Variants in MKI67 observed in about 807,000 individuals in gnomAD.
MKI67 encodes the protein marker of proliferation Ki-67, also known as proliferation marker protein Ki-67.
MKI67 carries 152 observed loss-of-function variants against 233.5 expected under a neutral mutation model. The ratio of observed to expected loss-of-function variants is 0.65; its 90% CI spans 0.57 to 0.74. The LOEUF (loss-of-function observed/expected upper bound fraction) is 0.74, where lower values mean the gene tolerates loss of function less well. Among genes scored for constraint, MKI67 ranks in the 30% least tolerant of loss-of-function variants. The probability of loss-of-function intolerance (pLI) is 0.00; values close to 1 mark genes in which losing one functional copy is unlikely to be tolerated. For synonymous variants in MKI67, 1,465 were observed against 1,418.5 expected (o/e 1.03, Z -0.74); for missense variants, 3,940 against 3,885.2 (o/e 1.01, Z -0.37).
At chr10:128,111,552 C>A in intron 11 of MKI67, 93 bp downstream of exon 11, 5,099 of 697,904 alleles carry the variant, frequency 7.3e-3, no homozygotes, top group Middle Eastern at 0.013. Flanking sequence ...TAATCTCTTT[C>A]ACAGCAGATA....
chr10:128,117,638 A>G (rs1852835408), intron 5 of MKI67, among the ~76,000 whole-genome samples: 1 of 152,240 alleles, frequency 6.6e-6, no homozygotes, highest in Non-Finnish European at 1.5e-5. Flanking sequence ...TTCCTTAATC[A>G]ATTTTAGGTT....
chr10:128,109,256 C>T lies in MKI67; in HGVS notation c.2584G>A (p.Glu862Lys). 1 of 1,614,158 alleles carries T rather than the reference C, an allele frequency of 6.2e-7. No individual in the cohort carries two copies. Among genetic ancestry groups the T allele is most frequent in the Non-Finnish European group, 8.5e-7 (1 of 1,180,020 alleles). ...TSLETKTSDT[E>K]TEPSKTVSTA... ...GATACTGTTTTTGAAGGCTCTGTCT[C>T]AGTATCTGAAGTTTTTGTCTCCAGA... is the stretch of plus-strand genomic sequence containing the variant. Residue 862 changes from glutamate (E) to lysine (K), a missense_variant, in exon 13 of 15, where the codon GAG becomes AAG. Glu to Lys is a moderately conservative substitution (Grantham distance 56). Transcript: ENST00000368654.
intron 5 of MKI67, among the ~76,000 whole-genome samples, chr10:128,117,796 T>C (rs544988668): frequency 6.6e-6 from 1 of 152,356 alleles, no homozygotes; most frequent in African/African-American, 2.4e-5. Context: ...ATAATCTCAC[T>C]TTTGTTGTAC....
rs1205961443 is a variant in MKI67 at position 128,115,257 on chromosome 10, T to G, written c.1151A>C (p.Lys384Thr). The change falls in exon 7 of 15, where the codon AAG becomes ACG. Residue 384 changes from lysine to threonine, a missense_variant. Lys to Thr is a moderately conservative substitution (Grantham distance 78). Coordinates refer to ENST00000368654, the MANE Select transcript of MKI67 (RefSeq NM_002417.5). Reference sequence around the variant, plus strand: ...GGGAGTAAGAGTTTTATCACCAGCCTTGAAGCCTTCACTTTTACCCAGATT... The same window carrying G: ...GGGAGTAAGAGTTTTATCACCAGCCGTGAAGCCTTCACTTTTACCCAGATT... Reference protein sequence around the residue: ...SVNLGKSEGFKAGDKTLTPRK... With the variant: ...SVNLGKSEGFTAGDKTLTPRK... 6.2e-7 allele frequency: 1 copy of G among 1,614,092 alleles called. No homozygotes were observed. Among genetic ancestry groups the G allele is most frequent in the East Asian group, 2.2e-5 (1 of 44,894 alleles).
rs770048676 is a variant in MKI67, at chr10:128,103,459, G to A, written c.8381C>T (p.Ala2794Val). The A allele has an allele frequency of 1.1e-5, 18 of 1,613,756 alleles. No homozygotes were observed. The South Asian group carries it at 1.6e-4, about 15-fold the overall frequency. The change falls in exon 13 of 15, where the codon GCC (alanine) becomes GTC (valine). Residue 2794 changes from alanine (A) to valine (V), a missense_variant. Ala to Val is a moderately conservative substitution (Grantham distance 64, BLOSUM62 0). Transcript: ENST00000368654. ...RRRPRAPRES[A>V]QAIEDLAGFK... Reference sequence around the variant, plus strand: ...GCCAGCTAGGTCTTCTATGGCTTGGGCACTTTCCCTGGGTGCTCTTGGCCG... The same window carrying A: ...GCCAGCTAGGTCTTCTATGGCTTGGACACTTTCCCTGGGTGCTCTTGGCCG...
At position 128,111,767 on chromosome 10, in the gene MKI67, G is replaced by A. The variant is rs1345764027; in HGVS notation, c.2138C>T (p.Ser713Phe). 3.1e-6 allele frequency: 5 copies of A among 1,614,170 alleles called. No homozygotes were observed. The highest frequency in any genetic ancestry group is 1.7e-5 in the Admixed American group (1 of 60,022). Residue 713 changes from serine (S) to phenylalanine (F), a missense_variant, in exon 11 of 15, where the codon TCT (serine) becomes TTT (phenylalanine). Coordinates refer to ENST00000368654, the MANE Select transcript of MKI67 (RefSeq NM_002417.5). ...TTTCCCTATTATTATGGTACAAGGA[G>A]AGTTTGCGTGGCCTGTACTAAATTG... ...HSQFSTGHAN[S>F]PCTIIIGKAH... is the part of the protein sequence containing the mutation.
At position 128,105,111 on chromosome 10, in the gene MKI67, G is replaced by A. The variant is rs1187868709; in HGVS notation, c.6729C>T (p.Leu2243=). 6.2e-7 allele frequency: 1 copy of A among 1,613,742 alleles called. No homozygotes were observed. The highest frequency in any genetic ancestry group is 8.5e-7 in the Non-Finnish European group (1 of 1,179,970). Residue 2243 remains leucine, a synonymous_variant, in exon 13 of 15, where the codon CTC becomes CTT. Transcript: ENST00000368654. ...ATTCTTCCTCTACGTCTGCTTTCCT[G>A]AGACTTCTCTTGGACTGTGGCTTGA... ...TIFKPQSKRS[L]RKADVEEESL... is the part of the protein sequence containing the mutation.
In MKI67 at chr10:128,106,345, A is replaced by C. The variant is rs1432478250; in HGVS notation, c.5495T>G (p.Leu1832Arg). The C allele has an allele frequency of 6.2e-7, 1 of 1,613,456 alleles. No homozygotes were observed. Among genetic ancestry groups the C allele is most frequent in the African/African-American group, 1.3e-5 (1 of 74,676 alleles). ...RKEKAQALEELTGFRELFQTP... is the reference protein window; with the variant it reads ...RKEKAQALEERTGFRELFQTP... ...CTGGAAAAGCTCTCTGAAGCCAGTCAGTTCTTCTAGAGCCTGGGCCTTTTC... is the reference window on the plus strand; with the variant it reads ...CTGGAAAAGCTCTCTGAAGCCAGTCCGTTCTTCTAGAGCCTGGGCCTTTTC... Residue 1832 changes from leucine (L) to arginine (R), a missense_variant, in exon 13 of 15, where the codon CTG becomes CGG. By Grantham distance (102) the Leu-to-Arg change is moderately radical. Transcript: ENST00000368654.
chr10:128,097,078 G>A lies in MKI67; in HGVS notation c.*2112C>T, dbSNP rs550843095. On this transcript the variant is annotated 3_prime_UTR_variant, in exon 15 of 15. Transcript: ENST00000368654. ...AGAGTTAGTGTAAGAAAGCCCAAGAGAGGCTGGGGGACCAGATCCCACAGG... is the reference window on the plus strand; with the variant it reads ...AGAGTTAGTGTAAGAAAGCCCAAGAAAGGCTGGGGGACCAGATCCCACAGG... The A allele has an allele frequency of 6.6e-6, 1 of 152,376 alleles. No homozygotes were observed. Among genetic ancestry groups the A allele is most frequent in the South Asian group, 2.1e-4 (1 of 4,822 alleles). 9.4% of individuals were successfully genotyped at this position (152,376 alleles called of 1,614,324 possible).
At chr10:128,110,837 G>T (rs1328760087) in intron 11 of MKI67, among the ~76,000 whole-genome samples, 1 of 152,222 alleles carries the variant, frequency 6.6e-6, no homozygotes, top group East Asian at 1.9e-4. Context: ...GAGCACGGAG[G>T]CTGGTGACGG....
chr10:128,111,730 T>C lies in MKI67; in HGVS notation c.2175A>G (p.Glu725=). 1.9e-6 allele frequency: 3 copies of C among 1,614,198 alleles called. No homozygotes were observed. The East Asian group carries it at 6.7e-5, about 36-fold the overall frequency. Residue 725 remains glutamate, a synonymous_variant, in exon 11 of 15, where the codon GAA becomes GAG. Transcript: ENST00000368654. ...CTIIIGKAHT[E]KVHVPARPYR... is the part of the protein sequence containing the mutation. ...AGGGTCGAGCAGGCACATGTACTTTTTCAGTATGAGCTTTCCCTATTATTA... is the reference window on the plus strand; with the variant it reads ...AGGGTCGAGCAGGCACATGTACTTTCTCAGTATGAGCTTTCCCTATTATTA...
rs1173333085 is a variant in MKI67, at chr10:128,119,236, T to G, written c.354+17A>C. The G allele has an allele frequency of 6.4e-7, 1 of 1,569,570 alleles. No individual in the cohort carries two copies. The highest frequency in any genetic ancestry group is 1.1e-5 in the South Asian group (1 of 89,570). On this transcript the variant is annotated intron_variant, in intron 5 of 14. Transcript: ENST00000368654. The stretch of plus-strand genomic sequence containing the variant: ...TCATCGAAACGAATCAGCCCAAACT[T>G]GGATATTTTCTATCACCTGTTCACG...
rs1205508586 is a variant in MKI67, at chr10:128,104,789, C to T, written c.7051G>A (p.Asp2351Asn). Residue 2351 changes from aspartate to asparagine, a missense_variant, in exon 13 of 15, where the codon GAC becomes AAC. Physicochemically the swap from Asp to Asn is conservative, Grantham distance 23 (BLOSUM62 1). Coordinates refer to ENST00000368654, the MANE Select transcript of MKI67 (RefSeq NM_002417.5). The stretch of plus-strand genomic sequence containing the variant: ...CGTTGCTTTGTGCTTGCTGGGGTGT[C>T]CACTGGGTCTGGTTGTGGAGATTTG... The part of the protein sequence containing the change: ...ACKSPQPDPV[D>N]TPASTKQRPK... 6.2e-7 allele frequency: 1 copy of T among 1,612,810 alleles called. No individual in the cohort carries two copies. Among genetic ancestry groups the T allele is most frequent in the Non-Finnish European group, 8.5e-7 (1 of 1,179,818 alleles).
chr10:128,119,170 T>C lies in MKI67; in HGVS notation c.354+83A>G, dbSNP rs1852872743. The C allele has an allele frequency of 2.9e-6, 3 of 1,035,268 alleles. No homozygotes were observed. In the East Asian group the frequency reaches 7.3e-5, roughly 25 times the overall value. 64.1% of individuals were successfully genotyped at this position (1,035,268 alleles called of 1,614,324 possible). Reference sequence around the variant, plus strand: ...GTAACCACCCTCTTTGTAACTGATTTCAAGTAAGAAATCATTAAAGCATAC... The same window carrying C: ...GTAACCACCCTCTTTGTAACTGATTCCAAGTAAGAAATCATTAAAGCATAC... On this transcript the variant is annotated intron_variant, in intron 5 of 14. Transcript: ENST00000368654.
chr10:128,121,858 G>A (rs1249713912), intron 4 of MKI67, among the ~76,000 whole-genome samples: 1 of 151,762 alleles, frequency 6.6e-6, no homozygotes, highest in African/African-American at 2.4e-5. Flanking sequence ...TGTCCAACAT[G>A]CTATGAATCT....
chr10:128,100,088 G>A (rs932351021), intron 14 of MKI67, among the ~76,000 whole-genome samples: 1 of 152,206 alleles, frequency 6.6e-6, no homozygotes, highest in South Asian at 2.1e-4. Flanking sequence ...GCTGACCCAC[G>A]TCAGCTGTTG....
rs373845191 is a variant in MKI67, at chr10:128,106,306, T to A, written c.5534A>T (p.Asp1845Val). Residue 1845 changes from aspartate to valine, a missense_variant, in exon 13 of 15, where the codon GAT becomes GTT. Asp to Val is a radical substitution (Grantham distance 152). Transcript: ENST00000368654. ...AGTTTTCTCATCAGTCGTGGGGTTATCAGTGCATGGTGTCTGGAAAAGCTC... is the reference window on the plus strand; with the variant it reads ...AGTTTTCTCATCAGTCGTGGGGTTAACAGTGCATGGTGTCTGGAAAAGCTC... ...FRELFQTPCT[D>V]NPTTDEKTTK... 1.1e-5 allele frequency: 18 copies of A among 1,613,532 alleles called. No homozygotes were observed. Among genetic ancestry groups the A allele is most frequent in the Non-Finnish European group, 1.4e-5 (17 of 1,179,968 alleles).
In MKI67 at chr10:128,104,964, C is replaced by T; in HGVS notation, c.6876G>A (p.Leu2292=). ...FMGTPVQKLD[L]PGNLPGSKRW... ...TTTTGCTGCCAGGTAAATTTCCTGG[C>T]AGGTCCAATTTCTGCACTGGAGTTC... is the stretch of plus-strand genomic sequence containing the variant. Residue 2292 remains leucine, a synonymous_variant, in exon 13 of 15, where the codon CTG becomes CTA. Coordinates refer to ENST00000368654, the MANE Select transcript of MKI67 (RefSeq NM_002417.5). 6.2e-7 allele frequency: 1 copy of T among 1,613,126 alleles called. No individual in the cohort carries two copies. The highest frequency in any genetic ancestry group is 8.5e-7 in the Non-Finnish European group (1 of 1,179,894).
Position 128,099,175 on chromosome 10 carries a change from A to G in MKI67, c.*15T>C, listed in dbSNP as rs1355985887. 6.3e-7 allele frequency: 1 copy of G among 1,594,992 alleles called. No individual in the cohort carries two copies. The highest frequency in any genetic ancestry group is 1.7e-5 in the Admixed American group (1 of 58,058). Reference sequence around the variant, plus strand: ...AAACTAACTTTATTATATTTTTCCCAGTTCGATTTTTCTGTCAAATATCTT... The same window carrying G: ...AAACTAACTTTATTATATTTTTCCCGGTTCGATTTTTCTGTCAAATATCTT... On this transcript the variant is annotated 3_prime_UTR_variant, in exon 15 of 15. Coordinates refer to ENST00000368654, the MANE Select transcript of MKI67 (RefSeq NM_002417.5).
Sources: allele counts gnomAD v4.1 joint callset (sites outside exome capture counted in the v4.1 genomes callset), GRCh38; gene constraint gnomAD v4.1.1; transcripts MANE v1.5; gene names NCBI Gene and HGNC (gene_info 2026-07-23, HGNC 2026-07-21).